The following PLPPR1 variants were observed in gnomAD, a reference collection of about 807,000 sequenced individuals.
The protein encoded by PLPPR1 is phospholipid phosphatase related 1.
PLPPR1 carries 10 observed loss-of-function variants against 33.1 expected under a neutral mutation model. That is an observed-to-expected ratio of 0.30 (90% CI 0.19 to 0.51). PLPPR1 has a LOEUF of 0.51. Ranked by LOEUF, PLPPR1 falls within the 20% of genes least tolerant of loss-of-function variation. The pLI is 0.97. For synonymous variants in PLPPR1, 151 were observed against 151.0 expected (o/e 1.00, Z 0.00); for missense variants, 304 against 408.1 (o/e 0.74, Z 2.20).
chr9:101,180,376 G>A (rs1332284705), intron 1 of PLPPR1, among the ~76,000 whole-genome samples: 1 of 150,018 alleles, frequency 6.7e-6, no homozygotes, highest in African/African-American at 2.5e-5. Context: ...ATTTTTCACA[G>A]AAATAAAAAC....
At chr9:101,274,474 C>T (rs1828152752) in intron 3 of PLPPR1, among the ~76,000 whole-genome samples, 1 of 152,200 alleles carries the variant, frequency 6.6e-6, no homozygotes, top group South Asian at 2.1e-4. Flanking sequence ...GGGCTGATTG[C>T]AGCTGATAGG....
chr9:101,151,038 A>C (rs1283609599), intron 1 of PLPPR1, among the ~76,000 whole-genome samples: 1 of 152,130 alleles, frequency 6.6e-6, no homozygotes, highest in African/African-American at 2.4e-5. Context: ...TTCCTGTAAT[A>C]GTCTTAAACA....
chr9:101,262,221 A>T (rs906250237), intron 2 of PLPPR1, among the ~76,000 whole-genome samples: 1 of 152,210 alleles, frequency 6.6e-6, no homozygotes, highest in Non-Finnish European at 1.5e-5. Flanking sequence ...GATAATCTGA[A>T]GCATTAGGTA....
chr9:101,046,435 C>CTTTTTT lies in PLPPR1; in HGVS notation c.-46+17350_-46+17355dup, dbSNP rs527884198. Among the ~76,000 whole-genome samples the CTTTTTT allele has an allele frequency of 3.8e-3, 439 of 116,736 alleles. 20 individuals are homozygous for CTTTTTT. In the East Asian group the frequency reaches 0.055, roughly 15 times the overall value. 76.6% of individuals were successfully genotyped at this position (116,736 alleles called of 152,430 possible). A position where few individuals can be genotyped will look rare whatever the true frequency, so the allele number is the denominator to read the frequency against. ...CCAATTTTTCTTTACCTCTTTTATT[C>CTTTTTT]TTTTTTTTTTTTTTTTTTTTTTGAG... On this transcript the variant is annotated intron_variant, in intron 1 of 7. Transcript: ENST00000374874.
intron 1 of PLPPR1, among the ~76,000 whole-genome samples, chr9:101,163,987 A>T: frequency 6.6e-6 from 1 of 152,200 alleles, no homozygotes. Context: ...AAAACTCAGG[A>T]CATGTATCAG....
intron 1 of PLPPR1, among the ~76,000 whole-genome samples, chr9:101,083,694 A>T (rs1318311899): frequency 2.0e-5 from 3 of 152,184 alleles, no homozygotes; most frequent in South Asian, 4.1e-4. Context: ...CTCAGTGTAG[A>T]TTCCTTTATC....
intron 2 of PLPPR1, among the ~76,000 whole-genome samples, chr9:101,228,322 C>T (rs946305208): frequency 2.0e-5 from 3 of 152,140 alleles, no homozygotes; most frequent in Non-Finnish European, 2.9e-5. Context: ...AAATGCTCCT[C>T]GTACACAGTA....
At chr9:101,278,552 C>G (rs1306247447) in intron 3 of PLPPR1, among the ~76,000 whole-genome samples, 2 of 152,112 alleles carry the variant, frequency 1.3e-5, no homozygotes, top group African/African-American at 4.8e-5. Context: ...ACCATCACAA[C>G]ATTGAGAGAG....
At chr9:101,263,873 T>G (rs1348500856) in intron 2 of PLPPR1, among the ~76,000 whole-genome samples, 1 of 152,142 alleles carries the variant, frequency 6.6e-6, no homozygotes, top group African/African-American at 2.4e-5. Flanking sequence ...TATAACATTA[T>G]CATCTCTGTC....
intron 4 of PLPPR1, among the ~76,000 whole-genome samples, chr9:101,306,894 A>G (rs1333906865): frequency 6.6e-6 from 1 of 152,226 alleles, no homozygotes; most frequent in Non-Finnish European, 1.5e-5. Context: ...GTAAAAATAC[A>G]CACAAGGAGC....
At chr9:101,312,036 C>G (rs1285730563) in intron 5 of PLPPR1, among the ~76,000 whole-genome samples, 1 of 152,212 alleles carries the variant, frequency 6.6e-6, no homozygotes, top group Non-Finnish European at 1.5e-5. Context: ...ATAACAGCCG[C>G]CTACATCTCA....
chr9:101,229,136 T>C (rs547753162), intron 2 of PLPPR1, among the ~76,000 whole-genome samples: 1 of 152,160 alleles, frequency 6.6e-6, no homozygotes, highest in Non-Finnish European at 1.5e-5. Flanking sequence ...GGGTTTGATG[T>C]TGGATCAGAG....
At chr9:101,238,955 T>TA (rs1418597434) in intron 2 of PLPPR1, among the ~76,000 whole-genome samples, 5 of 149,934 alleles carry the variant, frequency 3.3e-5, no homozygotes, top group African/African-American at 1.2e-4. Flanking sequence ...GAGCTCACTT[T>TA]TTTTTTTTTT....
intron 1 of PLPPR1, among the ~76,000 whole-genome samples, chr9:101,050,908 G>A (rs1830214295): frequency 2.0e-5 from 3 of 152,038 alleles, no homozygotes; most frequent in African/African-American, 4.8e-5. Flanking sequence ...TTCATCCATC[G>A]GCTCTTACCC....
intron 2 of PLPPR1, among the ~76,000 whole-genome samples, chr9:101,226,970 G>GACC (rs1434057807): frequency 6.6e-6 from 1 of 152,102 alleles, no homozygotes; most frequent in East Asian, 1.9e-4. Flanking sequence ...GAAAGGTGAT[G>GACC]ACCACATGGG....
At chr9:101,159,444 A>G (rs896974942) in intron 1 of PLPPR1, among the ~76,000 whole-genome samples, 4 of 152,178 alleles carry the variant, frequency 2.6e-5, no homozygotes, top group African/African-American at 9.7e-5. Context: ...TTACTCTTAA[A>G]TGTGTTAATC....
intron 2 of PLPPR1, among the ~76,000 whole-genome samples, chr9:101,238,074 G>GTA (rs894774248): frequency 3.0e-5 from 4 of 133,528 alleles, no homozygotes; most frequent in South Asian, 4.6e-4. Context: ...ACGTGTGTGT[G>GTA]TATATATATA....
chr9:101,116,586 G>A lies in PLPPR1; in HGVS notation c.-45-68864G>A, dbSNP rs528434152. Among the ~76,000 whole-genome samples the A allele has an allele frequency of 8.5e-5, 13 of 152,168 alleles. No individual in the cohort carries two copies. The East Asian group carries it at 1.4e-3, about 16-fold the overall frequency. On this transcript the variant is annotated intron_variant, in intron 1 of 7. Transcript: ENST00000374874. ...TCCCAGGACTTTGGGAGGCCAAGGC[G>A]GGCGGATCACAAGGTCAAGAGATCA... is the stretch of plus-strand genomic sequence containing the variant.
chr9:101,151,033 G>T (rs776520), intron 1 of PLPPR1, among the ~76,000 whole-genome samples: 71,212 of 151,736 alleles, frequency 0.47, 17,199 homozygotes, highest in Non-Finnish European at 0.53. Context: ...ATTTTTTCCT[G>T]TAATAGTCTT....
Sources: allele counts gnomAD v4.1 joint callset (sites outside exome capture counted in the v4.1 genomes callset), GRCh38; gene constraint gnomAD v4.1.1; transcripts MANE v1.5; gene names NCBI Gene and HGNC (gene_info 2026-07-23, HGNC 2026-07-21).